Variants in RFX4 observed in about 807,000 individuals in gnomAD.
The protein encoded by RFX4 is transcription factor RFX4.
RFX4 carries 10 observed loss-of-function variants against 95.0 expected under a neutral mutation model. That is an observed-to-expected ratio of 0.11 (90% CI 0.06 to 0.18). The LOEUF (loss-of-function observed/expected upper bound fraction) is 0.18, where lower values mean the gene tolerates loss of function less well. Ranked by LOEUF, RFX4 falls within the 10% of genes least tolerant of loss-of-function variation. RFX4 has a pLI of 1.00. For missense variants in RFX4, 640 were observed against 922.0 expected, an observed-to-expected ratio of 0.69 and a Z score of 3.96; for synonymous variants, 321 against 340.7, an observed-to-expected ratio of 0.94 and a Z score of 0.64.
Position 106,720,982 on chromosome 12 carries a change from C to A in RFX4, c.1351+106C>A. On this transcript the variant is annotated intron_variant, in intron 13 of 17. Coordinates refer to ENST00000392842, the MANE Select transcript of RFX4 (RefSeq NM_213594.3). The surrounding 1 kb of genome is among the most constrained non-coding windows in gnomAD (Gnocchi z 4.2). ...CTTGCTGTTTCTGCAAGGTCATCACCCTGAAACACATCTCTTCTGGGGAGA... is the reference window on the plus strand; with the variant it reads ...CTTGCTGTTTCTGCAAGGTCATCACACTGAAACACATCTCTTCTGGGGAGA... 1 of 897,318 alleles carries A rather than the reference C, an allele frequency of 1.1e-6. No homozygotes were observed. The highest frequency in any genetic ancestry group is 1.4e-5 in the South Asian group (1 of 70,232). The allele number at this position is 897,318 out of a possible 1,614,324, so 55.6% of individuals were successfully genotyped here. A position where few individuals can be genotyped will look rare whatever the true frequency, so the allele number is the denominator to read the frequency against.
intron 13 of RFX4, among the ~76,000 whole-genome samples, chr12:106,725,524 A>G (rs1326923603): frequency 1.3e-5 from 2 of 151,700 alleles, no homozygotes; most frequent in Non-Finnish European, 2.9e-5. Context: ...AGGAACAGTT[A>G]AAGCATGCTA....
chr12:106,756,344 T>C (rs1328003612), intron 17 of RFX4, among the ~76,000 whole-genome samples: 1 of 152,186 alleles, frequency 6.6e-6, no homozygotes, highest in East Asian at 1.9e-4. Context: ...CAAGCAGCCA[T>C]AGTGGAACTG....
At chr12:106,660,001 A>T (rs1324449963) in intron 4 of RFX4, among the ~76,000 whole-genome samples, 1 of 152,114 alleles carries the variant, frequency 6.6e-6, no homozygotes, top group African/African-American at 2.4e-5. Context: ...TGTGCTGATC[A>T]CTGCAGTTGA....
chr12:106,661,510 C>T (rs181394923), intron 4 of RFX4, among the ~76,000 whole-genome samples: 2 of 152,354 alleles, frequency 1.3e-5, no homozygotes, highest in East Asian at 3.9e-4. Flanking sequence ...CAGAGTAGTA[C>T]ATTTGTTACA....
At chr12:106,649,171 G>A (rs1458027668) in intron 3 of RFX4, among the ~76,000 whole-genome samples, 1 of 151,970 alleles carries the variant, frequency 6.6e-6, no homozygotes, top group Non-Finnish European at 1.5e-5. Context: ...TAAAAGAGAG[G>A]AGGAAACGAG....
At chr12:106,692,747 A>G (rs183407596) in intron 7 of RFX4, among the ~76,000 whole-genome samples, 76 of 152,096 alleles carry the variant, frequency 5.0e-4, no homozygotes, top group African/African-American at 1.8e-3. Context: ...ACTTATCAGA[A>G]CTCTCCTTTC....
At chr12:106,644,820 A>G (rs1280303038) in intron 3 of RFX4, among the ~76,000 whole-genome samples, 1 of 152,198 alleles carries the variant, frequency 6.6e-6, no homozygotes, top group Non-Finnish European at 1.5e-5. Flanking sequence ...TCTCTGAGGC[A>G]TTTATGTCCT....
intron 14 of RFX4, 90 bp from the exon 15 acceptor site, chr12:106,732,834 A>G (rs2042638544): frequency 7.7e-7 from 1 of 1,294,500 alleles, no homozygotes; most frequent in Admixed American, 2.0e-5. Context: ...GACATCACAC[A>G]GATTAGAATA....
chr12:106,725,841 CA>C (rs2042484712), intron 13 of RFX4, among the ~76,000 whole-genome samples: 1 of 150,866 alleles, frequency 6.6e-6, no homozygotes, highest in African/African-American at 2.4e-5. Flanking sequence ...TCTCTTCCTC[CA>C]AAAAAAATTA....
intron 8 of RFX4, among the ~76,000 whole-genome samples, chr12:106,700,835 TTTG>T (rs1410817759): frequency 7.9e-5 from 12 of 152,254 alleles, no homozygotes; most frequent in Non-Finnish European, 1.6e-4. Context: ...TGTCATACAT[TTTG>T]TTTTTGTATA....
intron 2 of RFX4, among the ~76,000 whole-genome samples, chr12:106,623,877 G>T (rs147161791): frequency 6.6e-6 from 1 of 152,188 alleles, no homozygotes; most frequent in Non-Finnish European, 1.5e-5. Flanking sequence ...TTATTTAACC[G>T]AAGATGGGAA....
In RFX4 at chr12:106,754,231, G is replaced by A. The variant is rs78912880; in HGVS notation, c.1935+3438G>A. 5.3e-3 allele frequency among the ~76,000 whole-genome samples: 810 copies of A among 152,280 alleles called. 4 individuals are homozygous for A. Among genetic ancestry groups the A allele is most frequent in the Non-Finnish European group, 9.6e-3 (651 of 68,010 alleles). On this transcript the variant is annotated intron_variant, in intron 17 of 17. Transcript: ENST00000392842. ...GCATTCATTATAGGTCTCCAACTGCGTCACACAGAGATGCCAGCTCCTTAG... is the reference window on the plus strand; with the variant it reads ...GCATTCATTATAGGTCTCCAACTGCATCACACAGAGATGCCAGCTCCTTAG...
chr12:106,739,763 A>C (rs1454521934), intron 15 of RFX4, among the ~76,000 whole-genome samples: 1 of 152,192 alleles, frequency 6.6e-6, no homozygotes, highest in Non-Finnish European at 1.5e-5. Context: ...ACAAGGTAAG[A>C]TCTAGCCTGT....
At chr12:106,715,969 A>G (rs1008527374) in intron 11 of RFX4, among the ~76,000 whole-genome samples, 1 of 152,152 alleles carries the variant, frequency 6.6e-6, no homozygotes, top group Non-Finnish European at 1.5e-5. Flanking sequence ...GAACCTTTCA[A>G]TCACGTTAAA....
chr12:106,659,600 G>C (rs533927888), intron 4 of RFX4, among the ~76,000 whole-genome samples: 14 of 152,190 alleles, frequency 9.2e-5, no homozygotes, highest in Non-Finnish European at 1.8e-4. Flanking sequence ...AGGGCTTTCT[G>C]TATACCTGGT....
intron 3 of RFX4, among the ~76,000 whole-genome samples, chr12:106,644,852 G>A (rs1019526223): frequency 3.3e-5 from 5 of 152,168 alleles, no homozygotes; most frequent in Non-Finnish European, 7.4e-5. Context: ...CCTCTCTCCA[G>A]CGGCAGTGGC....
chr12:106,719,874 AAGTTTTGTT>A, intron 11 of RFX4, 77 bp from the exon 12 acceptor site: 2 of 1,053,780 alleles, frequency 1.9e-6, no homozygotes, highest in Non-Finnish European at 2.9e-6. Context: ...ACTTTATTCA[AAGTTTTGTT>A]CCTCTGTTCT....
chr12:106,623,543 A>C (rs912092407), intron 2 of RFX4, among the ~76,000 whole-genome samples: 6 of 151,862 alleles, frequency 4.0e-5, no homozygotes, highest in Admixed American at 6.6e-5. Context: ...GAAGGCAGAA[A>C]TGTTGTGTGG....
At chr12:106,727,706 G>A (rs757443424) in intron 13 of RFX4, among the ~76,000 whole-genome samples, 35 of 151,836 alleles carry the variant, frequency 2.3e-4, no homozygotes, top group Non-Finnish European at 4.0e-4. Context: ...TGCAACCTCC[G>A]CCTCCTGGGT....
Sources: gnomAD v4.1 joint callset for allele counts (sites outside exome capture counted in the v4.1 genomes callset) on GRCh38, gnomAD v4.1.1 for gene constraint, Gnocchi (gnomAD v3.1) non-coding constraint, MANE v1.5 for transcripts, NCBI Gene and HGNC (gene_info 2026-07-23, HGNC 2026-07-21) for gene names.